The following LIMK2 variants were observed in gnomAD, a reference collection of about 807,000 sequenced individuals.
LIMK2 encodes LIM domain kinase 2.
In LIMK2, 35 loss-of-function variants were observed where a neutral mutation model predicts 75.7. The ratio of observed to expected loss-of-function variants is 0.46; its 90% confidence interval spans 0.35 to 0.61. The LOEUF (loss-of-function observed/expected upper bound fraction) is 0.61. Ranked by LOEUF, LIMK2 falls within the 20% of genes least tolerant of loss-of-function variation. The pLI is 0.00. For missense variants in LIMK2, 623 were observed against 831.0 expected (o/e 0.75, Z 3.08); for synonymous variants, 301 against 319.2 (o/e 0.94, Z 0.61).
intron 15 of LIMK2, among the ~76,000 whole-genome samples, chr22:31,276,239 A>G (rs1352330779): frequency 6.6e-6 from 1 of 152,086 alleles, no homozygotes; most frequent in Non-Finnish European, 1.5e-5. Flanking sequence ...CTGTCTCAAA[A>G]ATGGGGTTCT....
intron 2 of LIMK2, among the ~76,000 whole-genome samples, chr22:31,234,647 G>C (rs930537368): frequency 6.6e-6 from 1 of 150,710 alleles, no homozygotes; most frequent in Non-Finnish European, 1.5e-5. Flanking sequence ...CTTGAACCTG[G>C]GAGGCAGAGG....
At position 31,267,016 on chromosome 22, in the gene LIMK2, C is replaced by A. The variant is rs546556073; in HGVS notation, c.1074C>A (p.Val358=). Residue 358 remains valine (V), a synonymous_variant, in exon 9 of 16, where the codon GTC becomes GTA. Transcript: ENST00000331728. ...VTHKATGKVM[V]MKELIRCDEE... ...ACAAAGCCACGGGCAAAGTGATGGT[C>A]ATGAAAGAGTTAATTCGATGTGATG... 7 of 1,610,256 alleles carry A rather than the reference C, an allele frequency of 4.3e-6. No individual in the cohort carries two copies. In the South Asian group the frequency reaches 6.6e-5, roughly 15 times the overall value.
At chr22:31,244,458 G>A (rs1048048958) in intron 2 of LIMK2, among the ~76,000 whole-genome samples, 9 of 152,170 alleles carry the variant, frequency 5.9e-5, no homozygotes. Flanking sequence ...CAGCTCTCCA[G>A]CTGGGCAGCC....
chr22:31,268,107 G>T (rs2048915113), intron 10 of LIMK2, 37 bp from the exon 11 acceptor site: 1 of 1,606,974 alleles, frequency 6.2e-7, no homozygotes, highest in Non-Finnish European at 8.5e-7. Flanking sequence ...GTGGGACAGG[G>T]CTCAACAGCC....
At chr22:31,222,153 C>G (rs1439699430) in intron 1 of LIMK2, among the ~76,000 whole-genome samples, 1 of 151,844 alleles carries the variant, frequency 6.6e-6, no homozygotes, top group African/African-American at 2.4e-5. Context: ...TCACTGCAAC[C>G]TCTGCCTCCC....
At chr22:31,241,534 G>A (rs1213782616) in intron 2 of LIMK2, among the ~76,000 whole-genome samples, 1 of 152,058 alleles carries the variant, frequency 6.6e-6, no homozygotes, top group Non-Finnish European at 1.5e-5. Context: ...TCCAGGCCCT[G>A]CTCTGACACA....
At chr22:31,229,283 G>A (rs1052659765) in intron 2 of LIMK2, among the ~76,000 whole-genome samples, 1 of 152,158 alleles carries the variant, frequency 6.6e-6, no homozygotes, top group Admixed American at 6.5e-5. Flanking sequence ...TGGATGTCAC[G>A]GCGCCCTCAG....
At chr22:31,255,571 C>G (rs2048769755) in intron 2 of LIMK2, among the ~76,000 whole-genome samples, 1 of 152,164 alleles carries the variant, frequency 6.6e-6, no homozygotes, top group Non-Finnish European at 1.5e-5. Flanking sequence ...CAACTCATTC[C>G]TGCCCCTCTT....
intron 2 of LIMK2, among the ~76,000 whole-genome samples, chr22:31,226,885 C>CA (rs1344770172): frequency 6.6e-6 from 1 of 152,242 alleles, no homozygotes; most frequent in East Asian, 1.9e-4. Context: ...GTTGGGATTA[C>CA]AGGCATGAGC....
intron 14 of LIMK2, among the ~76,000 whole-genome samples, chr22:31,274,001 G>GTT (rs57281983): frequency 1.2e-4 from 17 of 139,546 alleles, no homozygotes; most frequent in Non-Finnish European, 1.1e-4. Flanking sequence ...GCCCGGCCAG[G>GTT]TTTTTTTTTT....
chr22:31,216,041 G>A (rs1482428161), intron 1 of LIMK2, among the ~76,000 whole-genome samples: 1 of 152,176 alleles, frequency 6.6e-6, no homozygotes, highest in Non-Finnish European at 1.5e-5. Flanking sequence ...TAGACAGCAA[G>A]TAAATGTATG....
In LIMK2 at chr22:31,212,457, T is replaced by C. The variant is rs777679812; in HGVS notation, c.16+33T>C. The stretch of plus-strand genomic sequence containing the variant: ...AGGGCTGCTCCGCCCTGTCCCGCTG[T>C]TATCTCCGAAGTCCGGTTCCATGGC... On this transcript the variant is annotated intron_variant, in intron 1 of 15. Transcript: ENST00000331728. 3.8e-6 allele frequency: 5 copies of C among 1,317,400 alleles called. No homozygotes were observed. The Admixed American group carries it at 1.5e-4, about 40-fold the overall frequency. 81.6% of individuals were successfully genotyped at this position (1,317,400 alleles called of 1,614,324 possible). A position where few individuals can be genotyped will look rare whatever the true frequency, so the allele number is the denominator to read the frequency against.
At chr22:31,240,359 GTT>G (rs1266509312) in intron 2 of LIMK2, among the ~76,000 whole-genome samples, 5 of 151,502 alleles carry the variant, frequency 3.3e-5, no homozygotes, top group Non-Finnish European at 7.4e-5. Flanking sequence ...CCTCACGTTT[GTT>G]TGTTTGAAAT....
At chr22:31,274,489 C>T (rs777169247) in intron 14 of LIMK2, among the ~76,000 whole-genome samples, 7 of 152,190 alleles carry the variant, frequency 4.6e-5, no homozygotes, top group Admixed American at 2.0e-4. Context: ...CAGCCTCCGC[C>T]TCCCAGGTTC....
At chr22:31,226,670 T>G (rs2048482602) in intron 2 of LIMK2, among the ~76,000 whole-genome samples, 2 of 152,232 alleles carry the variant, frequency 1.3e-5, no homozygotes, top group Non-Finnish European at 2.9e-5. Flanking sequence ...TGTACAGTGA[T>G]GTGATCTTGG....
At chr22:31,246,179 GCACGCACACACACACACACACACACA>G (rs1194198383) in intron 2 of LIMK2, among the ~76,000 whole-genome samples, 1 of 69,774 alleles carries the variant, frequency 1.4e-5, no homozygotes, top group Non-Finnish European at 3.1e-5. Flanking sequence ...ACACACGCAC[GCACGCACACACACACACACACACACA>G]CACACACACA....
In LIMK2 at chr22:31,236,699, A is replaced by G. The variant is rs566719829; in HGVS notation, c.116+10880A>G. Among the ~76,000 whole-genome samples the G allele has an allele frequency of 1.6e-4, 24 of 149,818 alleles. No individual in the cohort carries two copies. In the South Asian group the frequency reaches 4.8e-3, roughly 30 times the overall value. ...GAGGCCAAGGCAGGTGGATCACTTG[A>G]GGTCAGGAGATCGAGACTAGCCTGG... On this transcript the variant is annotated intron_variant, in intron 2 of 15. Coordinates refer to ENST00000331728, the MANE Select transcript of LIMK2 (RefSeq NM_005569.4).
At chr22:31,265,878 C>T (rs2123850211) in intron 7 of LIMK2, 68 bp from the exon 8 acceptor site, 1 of 1,378,128 alleles carries the variant, frequency 7.3e-7, no homozygotes, top group Non-Finnish European at 1.0e-6. Context: ...TAAGTTTCCT[C>T]CCTCCAGGGT....
intron 15 of LIMK2, among the ~76,000 whole-genome samples, chr22:31,276,301 C>G (rs1013894555): frequency 1.3e-5 from 2 of 152,124 alleles, no homozygotes; most frequent in Non-Finnish European, 2.9e-5. Flanking sequence ...CAAACATTAC[C>G]AAAGTTTATA....
Sources: gnomAD v4.1 joint callset for allele counts (sites outside exome capture counted in the v4.1 genomes callset) on GRCh38, gnomAD v4.1.1 for gene constraint, MANE v1.5 for transcripts, NCBI Gene and HGNC (gene_info 2026-07-23, HGNC 2026-07-21) for gene names.